Variants in SOX5 observed in about 807,000 individuals in gnomAD.
The protein encoded by SOX5 is transcription factor SOX-5.
Under a neutral mutation model 92.0 loss-of-function variants are expected in SOX5, and 9 were observed. The ratio of observed to expected loss-of-function variants is 0.10; its 90% CI spans 0.06 to 0.17. SOX5 has a LOEUF of 0.17. Among genes scored for constraint, SOX5 ranks in the 10% least tolerant of loss-of-function variants. The probability of loss-of-function intolerance (pLI) is 1.00; values close to 1 mark genes in which losing one functional copy is unlikely to be tolerated. For synonymous variants in SOX5, 344 were observed against 336.3 expected (o/e 1.02, Z -0.25); for missense variants, 642 against 944.5 (o/e 0.68, Z 4.20).
At chr12:23,658,588 C>G (rs1037290924) in intron 7 of SOX5, among the ~76,000 whole-genome samples, 2 of 152,098 alleles carry the variant, frequency 1.3e-5, no homozygotes, top group Non-Finnish European at 2.9e-5. Flanking sequence ...CACAATAATT[C>G]TAACACAAAA....
intron 8 of SOX5, among the ~76,000 whole-genome samples, chr12:23,622,189 C>A (rs897932906): frequency 1.3e-5 from 2 of 152,002 alleles, no homozygotes; most frequent in Non-Finnish European, 2.9e-5. Flanking sequence ...GGAATCTGAT[C>A]GTTTTAAAAG....
chr12:23,690,878 A>T (rs1252967088), intron 6 of SOX5, among the ~76,000 whole-genome samples: 1 of 152,110 alleles, frequency 6.6e-6, no homozygotes, highest in African/African-American at 2.4e-5. Context: ...TTATCTTTTA[A>T]CATTCAGCTC....
chr12:23,612,518 T>G (rs755379693), intron 8 of SOX5, among the ~76,000 whole-genome samples: 1 of 152,100 alleles, frequency 6.6e-6, no homozygotes, highest in African/African-American at 2.4e-5. Context: ...AGCTAAAATC[T>G]TGATGATTAA....
intron 4 of SOX5, among the ~76,000 whole-genome samples, chr12:24,082,691 C>T (rs1051877486): frequency 6.6e-6 from 1 of 151,578 alleles, no homozygotes. Context: ...AAAATACCAG[C>T]AAAATGTAGA....
At chr12:24,346,409 G>A (rs752929810) in intron 2 of SOX5, among the ~76,000 whole-genome samples, 26 of 151,670 alleles carry the variant, frequency 1.7e-4, no homozygotes, top group Admixed American at 1.2e-3. Context: ...CTATTCAAAT[G>A]GATAGGTCTT....
intron 11 of SOX5, among the ~76,000 whole-genome samples, chr12:23,550,999 G>C (rs1043740090): frequency 6.6e-6 from 1 of 151,836 alleles, no homozygotes; most frequent in African/African-American, 2.4e-5. Flanking sequence ...GATGAGCTTC[G>C]CTCTCCACCA....
At chr12:23,542,737 T>A (rs1942352659) in intron 13 of SOX5, among the ~76,000 whole-genome samples, 1 of 152,178 alleles carries the variant, frequency 6.6e-6, no homozygotes, top group Non-Finnish European at 1.5e-5. Flanking sequence ...GGAACAAACA[T>A]CTTCCCCACC....
chr12:24,446,794 A>G (rs74393522), intron 1 of SOX5, among the ~76,000 whole-genome samples: 4,217 of 152,296 alleles, frequency 0.028, 84 homozygotes, highest in Non-Finnish European at 0.042. Context: ...TTCCCCCCAA[A>G]AAACAATAGC....
At chr12:24,512,468 C>T (rs924561394) in intron 1 of SOX5, among the ~76,000 whole-genome samples, 1 of 152,224 alleles carries the variant, frequency 6.6e-6, no homozygotes, top group Non-Finnish European at 1.5e-5. Flanking sequence ...CTGAAAAATA[C>T]TTAAGACTCA....
chr12:24,386,102 T>C (rs1056702009), intron 1 of SOX5, among the ~76,000 whole-genome samples: 3 of 152,118 alleles, frequency 2.0e-5, no homozygotes, highest in East Asian at 1.9e-4. Flanking sequence ...TCAAATAATA[T>C]TGTCTAGTTC....
chr12:23,972,699 T>C (rs915307459), intron 4 of SOX5, among the ~76,000 whole-genome samples: 2 of 152,110 alleles, frequency 1.3e-5, no homozygotes, highest in Non-Finnish European at 2.9e-5. Flanking sequence ...TATTTTTTAA[T>C]TGACAATGTA....
intron 11 of SOX5, among the ~76,000 whole-genome samples, chr12:23,562,839 C>G (rs998360107): frequency 6.6e-6 from 1 of 152,150 alleles, no homozygotes; most frequent in Admixed American, 6.5e-5. Context: ...ATGACAAGCT[C>G]AGGATCCTAA....
chr12:24,022,736 C>G (rs1954444465), intron 4 of SOX5, among the ~76,000 whole-genome samples: 1 of 152,016 alleles, frequency 6.6e-6, no homozygotes, highest in African/African-American at 2.4e-5. Flanking sequence ...GGACGGTCCT[C>G]TTAGCAAGAG....
chr12:24,223,598 T>G (rs966311727), intron 3 of SOX5, among the ~76,000 whole-genome samples: 3 of 151,800 alleles, frequency 2.0e-5, no homozygotes, highest in Admixed American at 2.0e-4. Flanking sequence ...TACTGAAAAA[T>G]TTTTAAATTA....
intron 1 of SOX5, among the ~76,000 whole-genome samples, chr12:24,511,777 T>C (rs1406598975): frequency 1.3e-5 from 2 of 151,944 alleles, no homozygotes; most frequent in Non-Finnish European, 2.9e-5. Context: ...GCTAACATTG[T>C]GAAACCCCGT....
intron 3 of SOX5, among the ~76,000 whole-genome samples, chr12:24,274,756 T>A (rs1242525218): frequency 6.6e-6 from 1 of 152,098 alleles, no homozygotes; most frequent in Admixed American, 6.6e-5. Flanking sequence ...CATCTTAGAG[T>A]TAGATTCTCA....
At chr12:23,869,723 A>T (rs1294524379) in intron 2 of SOX5, among the ~76,000 whole-genome samples, 1 of 152,154 alleles carries the variant, frequency 6.6e-6, no homozygotes, top group Admixed American at 6.6e-5. Flanking sequence ...CGATGAAAGA[A>T]GTAGCTCAGA....
intron 3 of SOX5, among the ~76,000 whole-genome samples, chr12:23,792,391 G>A (rs1462856932): frequency 2.6e-5 from 4 of 151,780 alleles, no homozygotes; most frequent in African/African-American, 9.7e-5. Flanking sequence ...TTGGGAGACC[G>A]AGGTGGGTGG....
upstream of SOX5, among the ~76,000 whole-genome samples, chr12:23,951,232 T>C (rs1368945657): frequency 1.3e-5 from 2 of 151,998 alleles, no homozygotes; most frequent in Non-Finnish European, 2.9e-5. Flanking sequence ...AATGGCTCAA[T>C]AGTCTGTACA....
Sources: gnomAD v4.1 joint callset for allele counts (sites outside exome capture counted in the v4.1 genomes callset) on GRCh38, gnomAD v4.1.1 for gene constraint, MANE v1.5 for transcripts, NCBI Gene and HGNC (gene_info 2026-07-23, HGNC 2026-07-21) for gene names.